TIMD4: variants seen among roughly 807,000 people sequenced by gnomAD.
TIMD4 encodes the protein T-cell immunoglobulin and mucin domain-containing protein 4.
A neutral mutation model predicts 41.2 loss-of-function variants in TIMD4; 31 were observed. That is an observed-to-expected ratio of 0.75 (90% CI 0.57 to 1.01). The LOEUF is 1.01. Ranked by LOEUF, TIMD4 falls within the 50% of genes least tolerant of loss-of-function variation. The pLI is 0.00. For synonymous variants in TIMD4, 204 were observed against 177.1 expected (o/e 1.15, Z -1.21); for missense variants, 479 against 472.5 (o/e 1.01, Z -0.13).
intron 4 of TIMD4, among the ~76,000 whole-genome samples, chr5:156,949,171 T>C (rs1223849428): frequency 6.6e-6 from 1 of 151,994 alleles, no homozygotes; most frequent in East Asian, 1.9e-4. Flanking sequence ...CCTAAAGAAG[T>C]TTTGATGGGT....
chr5:156,935,318 C>G (rs1292545051), intron 5 of TIMD4, among the ~76,000 whole-genome samples: 1 of 152,114 alleles, frequency 6.6e-6, no homozygotes, highest in Non-Finnish European at 1.5e-5. Flanking sequence ...TATTTTCTGA[C>G]CTTTCCCAGC....
At chr5:156,944,415 T>C (rs1302343070) in intron 5 of TIMD4, among the ~76,000 whole-genome samples, 3 of 150,370 alleles carry the variant, frequency 2.0e-5, no homozygotes, top group Admixed American at 6.6e-5. Context: ...ATATCCCCCA[T>C]CCAGGAGTCC....
intron 7 of TIMD4, 21 bp downstream of exon 7, chr5:156,922,078 C>G (rs1759252893): frequency 6.3e-7 from 1 of 1,596,950 alleles, no homozygotes; most frequent in African/African-American, 1.3e-5. Context: ...AGTGCTCCAT[C>G]ACCTGGCCCT....
At chr5:156,960,861 G>A (rs1029503743) in intron 1 of TIMD4, among the ~76,000 whole-genome samples, 1 of 152,242 alleles carries the variant, frequency 6.6e-6, no homozygotes, top group African/African-American at 2.4e-5. Flanking sequence ...AGAGTGACAA[G>A]TTTACAGATG....
intron 5 of TIMD4, among the ~76,000 whole-genome samples, chr5:156,934,309 A>G (rs886858756): frequency 2.0e-5 from 3 of 152,212 alleles, no homozygotes; most frequent in South Asian, 2.1e-4. Context: ...GCAGTGTGCA[A>G]TCAGGGCTCA....
chr5:156,962,008 A>G (rs1247729128), intron 1 of TIMD4, among the ~76,000 whole-genome samples: 1 of 152,102 alleles, frequency 6.6e-6, no homozygotes, highest in African/African-American at 2.4e-5. Context: ...CCACTCATAC[A>G]TGAGAGCTAA....
At chr5:156,952,872 T>A (rs1759888388) in intron 2 of TIMD4, among the ~76,000 whole-genome samples, 1 of 152,240 alleles carries the variant, frequency 6.6e-6, no homozygotes, top group Admixed American at 6.5e-5. Context: ...ATTGCATGAA[T>A]ACATAAATCA....
chr5:156,950,522 T>C (rs1759832922), intron 3 of TIMD4, among the ~76,000 whole-genome samples: 1 of 152,236 alleles, frequency 6.6e-6, no homozygotes, highest in African/African-American at 2.4e-5. Context: ...CCAAGACTTA[T>C]TGAGGCAGCT....
chr5:156,928,021 C>T (rs554239185), intron 5 of TIMD4, among the ~76,000 whole-genome samples: 1 of 152,222 alleles, frequency 6.6e-6, no homozygotes, highest in East Asian at 1.9e-4. Context: ...TATAAGAAAT[C>T]TGGCCCGGGC....
At chr5:156,945,944 A>G (rs1447086751) in intron 5 of TIMD4, among the ~76,000 whole-genome samples, 1 of 152,116 alleles carries the variant, frequency 6.6e-6, no homozygotes, top group Non-Finnish European at 1.5e-5. Flanking sequence ...TGCGCAATAA[A>G]CCCTGCTTTT....
intron 1 of TIMD4, among the ~76,000 whole-genome samples, chr5:156,958,520 G>C (rs1442225336): frequency 6.6e-6 from 1 of 152,202 alleles, no homozygotes; most frequent in African/African-American, 2.4e-5. Context: ...TGGCCAAGGT[G>C]TGAGTAAACA....
Position 156,952,656 on chromosome 5 carries a change from T to C in TIMD4, c.401-866A>G, listed in dbSNP as rs186199141. ...GCCATGTAGATTCTCCAATAATGATTAGGCTTTATTATATGCTCTCATAGT... is the reference window on the plus strand; with the variant it reads ...GCCATGTAGATTCTCCAATAATGATCAGGCTTTATTATATGCTCTCATAGT... On this transcript the variant is annotated intron_variant, in intron 2 of 8. Coordinates refer to ENST00000274532, the MANE Select transcript of TIMD4 (RefSeq NM_138379.3). Among the ~76,000 whole-genome samples, 44 of 152,354 alleles carry C rather than the reference T, an allele frequency of 2.9e-4. 1 individual carries two copies. The highest frequency in any genetic ancestry group is 2.6e-3 in the Admixed American group (40 of 15,304).
chr5:156,936,942 A>G (rs1241655197), intron 5 of TIMD4, among the ~76,000 whole-genome samples: 2 of 151,668 alleles, frequency 1.3e-5, no homozygotes, highest in Admixed American at 6.6e-5. Context: ...GAAAAAAAAA[A>G]AAAAAAAAAG....
intron 5 of TIMD4, among the ~76,000 whole-genome samples, chr5:156,944,982 G>A (rs1759714007): frequency 6.6e-6 from 1 of 152,140 alleles, no homozygotes; most frequent in Non-Finnish European, 1.5e-5. Context: ...CCCTCTTTAA[G>A]GATTTAAATC....
intron 7 of TIMD4, 93 bp from the exon 8 acceptor site, chr5:156,920,596 C>T: frequency 7.6e-7 from 1 of 1,321,240 alleles, no homozygotes; most frequent in Non-Finnish European, 1.1e-6. Flanking sequence ...CCGCAAAGAG[C>T]AGATATGGGC....
intron 5 of TIMD4, among the ~76,000 whole-genome samples, chr5:156,941,548 C>T (rs1411013767): frequency 1.3e-5 from 2 of 152,216 alleles, no homozygotes; most frequent in African/African-American, 4.8e-5. Context: ...TCCTTAATAG[C>T]ATTTTCTCCT....
intron 5 of TIMD4, among the ~76,000 whole-genome samples, chr5:156,928,699 C>T (rs1479534768): frequency 6.6e-6 from 1 of 152,130 alleles, no homozygotes; most frequent in Admixed American, 6.6e-5. Context: ...CTGATTTGTT[C>T]ATCAGGAAAG....
intron 4 of TIMD4, among the ~76,000 whole-genome samples, chr5:156,949,149 C>A (rs1759803721): frequency 1.3e-5 from 2 of 152,278 alleles, no homozygotes; most frequent in Admixed American, 1.3e-4. Context: ...CCGTCCCAGG[C>A]CCCAGTAACT....
At chr5:156,948,886 C>T (rs1376570017) in intron 4 of TIMD4, among the ~76,000 whole-genome samples, 1 of 152,238 alleles carries the variant, frequency 6.6e-6, no homozygotes, top group African/African-American at 2.4e-5. Flanking sequence ...ACTTACCTTA[C>T]AGATGTCTGT....
Sources: allele counts gnomAD v4.1 joint callset (sites outside exome capture counted in the v4.1 genomes callset), GRCh38; gene constraint gnomAD v4.1.1; transcripts MANE v1.5; gene names NCBI Gene and HGNC (gene_info 2026-07-23, HGNC 2026-07-21).